The following NUP160 variants were observed in gnomAD, a reference collection of about 807,000 sequenced individuals.
NUP160 encodes the protein nucleoporin 160, also known as nuclear pore complex protein Nup160.
A neutral mutation model predicts 196.9 loss-of-function variants in NUP160; 94 were observed. The observed-to-expected ratio is 0.48, with a 90% CI of 0.40 to 0.57. NUP160 has a LOEUF of 0.57. Ranked by LOEUF, NUP160 falls within the 20% of genes least tolerant of loss-of-function variation. The probability of loss-of-function intolerance (pLI) is 0.00; values close to 1 mark genes in which losing one functional copy is unlikely to be tolerated. For synonymous variants in NUP160, 605 were observed against 619.7 expected (o/e 0.98, Z 0.35); for missense variants, 1,638 against 1,748.3 (o/e 0.94, Z 1.13).
chr11:47,784,445 G>C (rs2097663376), intron 33 of NUP160, among the ~76,000 whole-genome samples: 1 of 152,196 alleles, frequency 6.6e-6, no homozygotes, highest in Non-Finnish European at 1.5e-5. Flanking sequence ...ACCGACTCCT[G>C]TGACTTTTTT....
At chr11:47,779,047 G>T in exon 36 of NUP160, 1 of 1,211,692 alleles carries the variant, frequency 8.3e-7, no homozygotes, top group Non-Finnish European at 1.2e-6. Flanking sequence ...GTTCCTGTAG[G>T]GTAGTCTTAA....
chr11:47,788,552 G>C (rs747880685), exon 30 of NUP160: 5 of 1,613,950 alleles, frequency 3.1e-6, no homozygotes, highest in Non-Finnish European at 4.2e-6. Context: ...AGGCGGATGC[G>C]AGCCAAGGAA....
At chr11:47,782,306 ATATATATATATAT>A (rs1565184598) in intron 34 of NUP160, among the ~76,000 whole-genome samples, 761 of 42,304 alleles carry the variant, frequency 0.018, 124 homozygotes, top group African/African-American at 0.051. Context: ...AAAAAAAAAT[ATATATATATATAT>A]ATATATATAT....
At chr11:47,840,342 T>A (rs754705565) in intron 3 of NUP160, 36 bp downstream of exon 3, 19 of 1,536,534 alleles carry the variant, frequency 1.2e-5, no homozygotes, top group Non-Finnish European at 1.7e-5. Context: ...CCAGAGTAAT[T>A]TGGGAAATAA....
At chr11:47,778,970 G>T (rs1386082687) in exon 36 of NUP160, 3 of 672,682 alleles carry the variant, frequency 4.5e-6, no homozygotes, top group Non-Finnish European at 8.1e-6. Flanking sequence ...CTCCTATCTT[G>T]TGCAGAATGC....
At chr11:47,779,322 A>G (rs1264486869) in intron 35 of NUP160, 128 bp from the exon 36 acceptor site, 1 of 619,194 alleles carries the variant, frequency 1.6e-6, no homozygotes, top group African/African-American at 1.9e-5. Flanking sequence ...TGCTTCATAA[A>G]ATCACCATTT....
exon 17 of NUP160, chr11:47,812,071 C>T: frequency 4.3e-6 from 7 of 1,614,050 alleles, no homozygotes; most frequent in Non-Finnish European, 5.9e-6. Context: ...TACAGCATCT[C>T]CAAGCCTCAT....
chr11:47,794,690 T>G (rs562520895), intron 27 of NUP160, among the ~76,000 whole-genome samples: 2 of 151,846 alleles, frequency 1.3e-5, no homozygotes, highest in Non-Finnish European at 2.9e-5. Context: ...GTGGATCATT[T>G]TGAGGTCAGG....
exon 23 of NUP160, chr11:47,801,871 G>T (rs779894951): frequency 1.2e-6 from 2 of 1,613,822 alleles, no homozygotes; most frequent in Admixed American, 3.3e-5. Flanking sequence ...AGCGAATCAA[G>T]CGATCCAAGA....
At chr11:47,848,128 G>C in intron 1 of NUP160, 91 bp downstream of exon 1, 3 of 1,457,652 alleles carry the variant, frequency 2.1e-6, no homozygotes, top group Non-Finnish European at 2.9e-6. Flanking sequence ...GTGGACTCAG[G>C]AGGATGAAAC....
chr11:47,781,025 G>C (rs2097660464), intron 34 of NUP160, among the ~76,000 whole-genome samples: 1 of 150,328 alleles, frequency 6.7e-6, no homozygotes, highest in Non-Finnish European at 1.5e-5. Context: ...AGGAGTTCGA[G>C]ACCAGCCTGG....
intron 33 of NUP160, 85 bp downstream of exon 33, chr11:47,784,837 C>G: frequency 1.9e-6 from 2 of 1,046,920 alleles, no homozygotes; most frequent in Non-Finnish European, 1.3e-6. Flanking sequence ...CCACTGCAAT[C>G]AGTCCATATT....
intron 35 of NUP160, 54 bp from the exon 36 acceptor site, chr11:47,779,248 T>A: frequency 2.6e-6 from 3 of 1,163,130 alleles, no homozygotes. Context: ...TGGAAAAATA[T>A]TGAAGTTATT....
chr11:47,811,484 G>GAA (rs1380863683), intron 17 of NUP160, among the ~76,000 whole-genome samples: 4 of 97,248 alleles, frequency 4.1e-5, no homozygotes, highest in Admixed American at 1.1e-4. Flanking sequence ...ATTGTCTCAA[G>GAA]AAAAAAAAAA....
At chr11:47,799,237 C>T (rs1294426366) in intron 23 of NUP160, among the ~76,000 whole-genome samples, 2 of 151,902 alleles carry the variant, frequency 1.3e-5, no homozygotes, top group Admixed American at 1.3e-4. Context: ...AGGCATGCCC[C>T]ACCACGTTCA....
At chr11:47,782,419 T>C (rs2097661971) in intron 34 of NUP160, among the ~76,000 whole-genome samples, 1 of 145,410 alleles carries the variant, frequency 6.9e-6, no homozygotes, top group Admixed American at 7.0e-5. Flanking sequence ...CCACTATCAG[T>C]TGAAAATATC....
Position 47,819,398 on chromosome 11 carries a change from G to A in NUP160, c.1338C>T (p.Val446=), listed in dbSNP as rs1030189545. The A allele has an allele frequency of 3.1e-6, 5 of 1,612,092 alleles. No individual in the cohort carries two copies. In the African/African-American group the frequency reaches 6.7e-5, roughly 22 times the overall value. The change falls in exon 10 of 36, where the codon GTC becomes GTT. Residue 446 remains valine (V), a synonymous_variant. Transcript: ENST00000378460. ...CTCTGGGGTCTTGATCATCTCTGAT[G>A]ACAATCTCTTCCTCTGGCAGAGGCT...
chr11:47,838,839 A>C (rs1308461263), intron 4 of NUP160, among the ~76,000 whole-genome samples: 1 of 151,994 alleles, frequency 6.6e-6, no homozygotes, highest in African/African-American at 2.4e-5. Flanking sequence ...CCCTGTCTCT[A>C]CTAAAAATAC....
chr11:47,823,573 C>A (rs543801937), intron 7 of NUP160, among the ~76,000 whole-genome samples: 1 of 151,974 alleles, frequency 6.6e-6, no homozygotes, highest in Non-Finnish European at 1.5e-5. Context: ...CTCGCTCTAT[C>A]GCCCAGGCTG....
Sources: allele counts gnomAD v4.1 joint callset (sites outside exome capture counted in the v4.1 genomes callset), GRCh38; gene constraint gnomAD v4.1.1; transcripts MANE v1.5; gene names NCBI Gene and HGNC (gene_info 2026-07-23, HGNC 2026-07-21).